Variants in RBFOX1 observed in about 807,000 individuals in gnomAD.
RBFOX1 encodes the protein RNA binding fox-1 homolog 1.
In RBFOX1, 8 loss-of-function variants were observed where a neutral mutation model predicts 57.7. The ratio of observed to expected loss-of-function variants is 0.14; its 90% CI spans 0.08 to 0.25. RBFOX1 has a LOEUF of 0.25. Among genes scored for constraint, RBFOX1 ranks in the 10% least tolerant of loss-of-function variants. RBFOX1 has a pLI of 1.00. For synonymous variants in RBFOX1, 326 were observed against 222.4 expected (o/e 1.47, Z -4.15); for missense variants, 611 against 548.5 (o/e 1.11, Z -1.14).
At chr16:7,052,019 C>G (rs757432764) in intron 3 of RBFOX1, 38 bp from the exon 4 acceptor site, 8 of 1,575,924 alleles carry the variant, frequency 5.1e-6, no homozygotes, top group South Asian at 2.3e-5. Flanking sequence ...TGATCCGGAG[C>G]CTTCTGACTT....
At chr16:5,346,712 T>G (rs77928894) in intron 1 of RBFOX1, among the ~76,000 whole-genome samples, 11,080 of 152,204 alleles carry the variant, frequency 0.073, 891 homozygotes, top group African/African-American at 0.2. Context: ...TTCTAAGGCA[T>G]GACCCTCGCT....
chr16:7,488,708 A>G (rs550190775), intron 4 of RBFOX1, among the ~76,000 whole-genome samples: 11 of 152,258 alleles, frequency 7.2e-5, no homozygotes, highest in African/African-American at 2.4e-4. Context: ...CACATCCCTT[A>G]TCTAGCTATA....
chr16:7,590,040 A>T (rs947876203), intron 7 of RBFOX1, among the ~76,000 whole-genome samples: 2 of 151,664 alleles, frequency 1.3e-5, no homozygotes, highest in African/African-American at 2.4e-5. Flanking sequence ...CTGAGGTGGG[A>T]GTATTGTATG....
At chr16:6,714,105 A>G (rs1030955844) in intron 3 of RBFOX1, among the ~76,000 whole-genome samples, 3 of 152,092 alleles carry the variant, frequency 2.0e-5, no homozygotes, top group Admixed American at 2.0e-4. Context: ...TTTTCACAAG[A>G]TCTAATGGTT....
rs1003018736 is a variant in RBFOX1 at position 6,302,484 on chromosome 16, T to C, written c.-126-14511T>C. Among the ~76,000 whole-genome samples, 5 of 152,154 alleles carry C rather than the reference T, an allele frequency of 3.3e-5. No homozygotes were observed. The East Asian group carries it at 5.8e-4, about 18-fold the overall frequency. ...AAGTCAGATATCCCCTTCGACTAGA[T>C]GGATTTTATGTTTTGTTTAATTTTT... On this transcript the variant is annotated intron_variant, in intron 1 of 15. Coordinates refer to ENST00000550418, the MANE Select transcript of RBFOX1 (RefSeq NM_018723.4).
chr16:7,568,713 G>C (rs1327093874), intron 5 of RBFOX1, among the ~76,000 whole-genome samples: 1 of 151,402 alleles, frequency 6.6e-6, no homozygotes, highest in Non-Finnish European at 1.5e-5. Flanking sequence ...GTGAAACCCC[G>C]ACTCTACTAA....
chr16:6,232,366 C>T (rs1477440440), intron 1 of RBFOX1, among the ~76,000 whole-genome samples: 1 of 152,084 alleles, frequency 6.6e-6, no homozygotes, highest in African/African-American at 2.4e-5. Flanking sequence ...GGGAGGGCTT[C>T]CCTGGATTAT....
At chr16:6,966,817 GTCTATCTA>G (rs879564472) in intron 3 of RBFOX1, among the ~76,000 whole-genome samples, 13 of 150,524 alleles carry the variant, frequency 8.6e-5, no homozygotes, top group Middle Eastern at 6.8e-3. Context: ...CTGTCTGTCT[GTCTATCTA>G]TCTGTCTATC....
chr16:6,132,619 A>G (rs1265322573), intron 1 of RBFOX1, among the ~76,000 whole-genome samples: 1 of 152,320 alleles, frequency 6.6e-6, no homozygotes, highest in South Asian at 2.1e-4. Context: ...AAAAGGCACC[A>G]TTTCAAATTA....
chr16:6,166,761 C>A (rs76674548), intron 1 of RBFOX1, among the ~76,000 whole-genome samples: 21 of 151,904 alleles, frequency 1.4e-4, no homozygotes, highest in Non-Finnish European at 3.1e-4. Flanking sequence ...TGCCCAGCCC[C>A]GTGGGGTTTT....
At chr16:5,749,765 A>C (rs1051365238) in intron 3 of RBFOX1, among the ~76,000 whole-genome samples, 3 of 150,496 alleles carry the variant, frequency 2.0e-5, no homozygotes, top group Admixed American at 6.6e-5. Context: ...TTAGGCATTT[A>C]TCTAATCTTT....
intron 3 of RBFOX1, among the ~76,000 whole-genome samples, chr16:7,006,835 A>G (rs1320367135): frequency 6.6e-6 from 1 of 152,158 alleles, no homozygotes; most frequent in Admixed American, 6.5e-5. Context: ...TCAGCTCCCA[A>G]GCAGTGGAAT....
chr16:7,349,110 G>C (rs548345548), intron 4 of RBFOX1, among the ~76,000 whole-genome samples: 1 of 152,150 alleles, frequency 6.6e-6, no homozygotes, highest in South Asian at 2.1e-4. Context: ...TGGAGGTGTG[G>C]TTGCTCCTAT....
Position 6,758,224 on chromosome 16 carries a change from T to C in RBFOX1, c.-16+103574T>C, listed in dbSNP as rs184213938. ...AAGATAACTTGGCATTGTTGAGATA[T>C]TGGGAAGCTACTATCAGAATCAGTC... On this transcript the variant is annotated intron_variant, in intron 3 of 15. Coordinates refer to ENST00000550418, the MANE Select transcript of RBFOX1 (RefSeq NM_018723.4). 2.6e-5 allele frequency among the ~76,000 whole-genome samples: 4 copies of C among 152,156 alleles called. No homozygotes were observed. The South Asian group carries it at 6.2e-4, about 24-fold the overall frequency.
chr16:6,939,266 T>C (rs2077911750), intron 3 of RBFOX1, among the ~76,000 whole-genome samples: 1 of 152,142 alleles, frequency 6.6e-6, no homozygotes. Context: ...ATTGCAGACA[T>C]GAGTGTAATA....
intron 1 of RBFOX1, among the ~76,000 whole-genome samples, chr16:6,030,758 G>A (rs988247958): frequency 1.3e-5 from 2 of 152,108 alleles, no homozygotes; most frequent in Non-Finnish European, 2.9e-5. Context: ...AGTGCAAATG[G>A]TTACTCTTTC....
chr16:7,186,292 A>G (rs1301090306), intron 4 of RBFOX1, among the ~76,000 whole-genome samples: 19 of 116,022 alleles, frequency 1.6e-4, no homozygotes, highest in Non-Finnish European at 3.2e-4. Flanking sequence ...ATTTATATAA[A>G]TATAAACATA....
intron 1 of RBFOX1, among the ~76,000 whole-genome samples, chr16:6,031,758 C>A (rs756891062): frequency 6.6e-6 from 1 of 152,224 alleles, no homozygotes; most frequent in East Asian, 1.9e-4. Context: ...GAATGAGGGT[C>A]AGTGTTGCTG....
chr16:5,432,197 A>G (rs1401364747), intron 1 of RBFOX1, among the ~76,000 whole-genome samples: 2 of 152,192 alleles, frequency 1.3e-5, no homozygotes, highest in African/African-American at 4.8e-5. Flanking sequence ...AACCATTAGA[A>G]ATCTGAAAAA....
Sources: gnomAD v4.1 joint callset for allele counts (sites outside exome capture counted in the v4.1 genomes callset) on GRCh38, gnomAD v4.1.1 for gene constraint, MANE v1.5 for transcripts, NCBI Gene and HGNC (gene_info 2026-07-23, HGNC 2026-07-21) for gene names.